The following WWOX variants were observed in gnomAD, a reference collection of about 807,000 sequenced individuals.
WWOX encodes the protein WW domain containing oxidoreductase.
Under a neutral mutation model 46.2 loss-of-function variants are expected in WWOX, and 69 were observed. The observed-to-expected ratio is 1.49, with a 90% CI of 1.23 to 1.82. The LOEUF is 1.82. Ranked by LOEUF, WWOX falls within the 40% of genes most tolerant of loss-of-function variation. The probability of loss-of-function intolerance (pLI) is 0.00; values close to 1 mark genes in which losing one functional copy is unlikely to be tolerated. For synonymous variants in WWOX, 359 were observed against 202.6 expected (o/e 1.77, Z -6.56); for missense variants, 919 against 542.6 (o/e 1.69, Z -6.89).
At chr16:78,464,656 C>T (rs922888629) in intron 8 of WWOX, among the ~76,000 whole-genome samples, 1 of 152,056 alleles carries the variant, frequency 6.6e-6, no homozygotes, top group Non-Finnish European at 1.5e-5. Context: ...CTCTGTAAAT[C>T]CAGAGCTGCT....
chr16:78,420,338 C>T (rs974892806), intron 6 of WWOX, among the ~76,000 whole-genome samples: 2 of 152,078 alleles, frequency 1.3e-5, no homozygotes, highest in Non-Finnish European at 2.9e-5. Context: ...TAGTGATATT[C>T]CTAATAGCCA....
At chr16:78,661,800 G>A (rs1158744043) in intron 8 of WWOX, among the ~76,000 whole-genome samples, 1 of 152,220 alleles carries the variant, frequency 6.6e-6, no homozygotes, top group African/African-American at 2.4e-5. Flanking sequence ...GCTTTGAGAG[G>A]CCGAGGCCGG....
intron 8 of WWOX, among the ~76,000 whole-genome samples, chr16:78,857,515 C>T (rs1385000928): frequency 2.6e-5 from 4 of 152,086 alleles, no homozygotes; most frequent in East Asian, 1.9e-4. Flanking sequence ...AACTTTAATG[C>T]GATTAAGACT....
intron 5 of WWOX, among the ~76,000 whole-genome samples, chr16:78,234,290 T>A (rs562595255): frequency 6.6e-6 from 1 of 152,348 alleles, no homozygotes; most frequent in Non-Finnish European, 1.5e-5. Flanking sequence ...CTTTTATGAC[T>A]ATTCATTTTG....
In WWOX at chr16:78,340,924, A is replaced by G. The variant is rs554948564; in HGVS notation, c.517-45936A>G. Among the ~76,000 whole-genome samples, 12 of 119,316 alleles carry G rather than the reference A, an allele frequency of 1.0e-4. 1 individual carries two copies. The South Asian group carries it at 2.3e-3, about 22-fold the overall frequency. 78.3% of individuals were successfully genotyped at this position (119,316 alleles called of 152,430 possible). A position where few individuals can be genotyped will look rare whatever the true frequency, so the allele number is the denominator to read the frequency against. ...TCTGTCATTTTTCTGGAGTTATGAA[A>G]TGATGGTATCCTGCTGGGCTGAGTG... On this transcript the variant is annotated intron_variant, in intron 5 of 8. Coordinates refer to ENST00000566780, the MANE Select transcript of WWOX (RefSeq NM_016373.4).
At chr16:78,507,180 G>C (rs1216435639) in intron 8 of WWOX, among the ~76,000 whole-genome samples, 7 of 152,176 alleles carry the variant, frequency 4.6e-5, no homozygotes, top group Non-Finnish European at 8.8e-5. Context: ...CTATTGAGGA[G>C]ACAGAACATG....
At chr16:78,890,791 C>G (rs775643419) in intron 8 of WWOX, 1 of 152,146 alleles carries the variant, frequency 6.6e-6, no homozygotes, top group South Asian at 2.1e-4. Flanking sequence ...TTCAAGGTAA[C>G]AGTATACAGG....
At chr16:79,022,403 A>G (rs1567492689) in intron 8 of WWOX, among the ~76,000 whole-genome samples, 1 of 146,364 alleles carries the variant, frequency 6.8e-6, no homozygotes, top group Non-Finnish European at 1.5e-5. Flanking sequence ...CTTATCTGTT[A>G]TTTCTTGGAC....
intron 8 of WWOX, among the ~76,000 whole-genome samples, chr16:78,970,241 C>T (rs2046443750): frequency 6.6e-6 from 1 of 152,172 alleles, no homozygotes; most frequent in South Asian, 2.1e-4. Flanking sequence ...ACGGTGTTGG[C>T]TCTCAGTTAG....
chr16:78,183,806 G>A lies in WWOX; in HGVS notation c.516+19517G>A, dbSNP rs563943423. 2.4e-4 allele frequency among the ~76,000 whole-genome samples: 37 copies of A among 152,278 alleles called. No individual in the cohort carries two copies. In the South Asian group the frequency reaches 6.4e-3, roughly 26 times the overall value. On this transcript the variant is annotated intron_variant, in intron 5 of 8. Transcript: ENST00000566780. Reference sequence around the variant, plus strand: ...ACTGGCCTCCTCAGTGCCACACAGAGCCTCCCCTGAGTAGATTTGTGTCAT... The same window carrying A: ...ACTGGCCTCCTCAGTGCCACACAGAACCTCCCCTGAGTAGATTTGTGTCAT...
chr16:79,201,107 C>T (rs1074223), intron 8 of WWOX, among the ~76,000 whole-genome samples: 12,690 of 152,124 alleles, frequency 0.083, 728 homozygotes, highest in African/African-American at 0.16. Flanking sequence ...GGCTCAGTGG[C>T]TTGTCATAGG....
rs3752912 is a variant in WWOX, at chr16:78,875,307, T to C, written c.1057-336301T>C. On this transcript the variant is annotated intron_variant, in intron 8 of 8. Transcript: ENST00000566780. ...GTTTCTGTTAAAAACCCCAGTGTGC[T>C]GATCTCAGTGGCAGCCATCTTGCTT... Among the ~76,000 whole-genome samples, 512 of 152,202 alleles carry C rather than the reference T, an allele frequency of 3.4e-3. 19 individuals carry two copies. The East Asian group carries it at 0.086, about 26-fold the overall frequency.
At chr16:78,416,314 A>T (rs191565819) in intron 6 of WWOX, among the ~76,000 whole-genome samples, 37 of 152,348 alleles carry the variant, frequency 2.4e-4, no homozygotes, top group Admixed American at 2.6e-4. Context: ...AACCTCATTA[A>T]AGTGAGGCAA....
chr16:78,649,094 C>G (rs546031668), intron 8 of WWOX, among the ~76,000 whole-genome samples: 3 of 152,272 alleles, frequency 2.0e-5, no homozygotes, highest in South Asian at 2.1e-4. Flanking sequence ...CTGCCTCAGT[C>G]TCCCAAGTAG....
chr16:78,594,767 A>AT (rs1315031426), intron 8 of WWOX, among the ~76,000 whole-genome samples: 1 of 151,998 alleles, frequency 6.6e-6, no homozygotes, highest in Non-Finnish European at 1.5e-5. Flanking sequence ...GTTTTTATTT[A>AT]TTTTATTTAG....
Position 78,558,687 on chromosome 16 carries a change from A to G in WWOX, c.1056+125935A>G, listed in dbSNP as rs553146994. Among the ~76,000 whole-genome samples, 106 of 152,278 alleles carry G rather than the reference A, an allele frequency of 7.0e-4. 3 individuals carry two copies. The South Asian group carries it at 0.02, about 29-fold the overall frequency. The stretch of plus-strand genomic sequence containing the variant: ...TAGGTCTCCCTGATTCCAGCCTCCA[A>G]TTCACTGAGCTGGCCTCTGCCAGTG... On this transcript the variant is annotated intron_variant, in intron 8 of 8. Coordinates refer to ENST00000566780, the MANE Select transcript of WWOX (RefSeq NM_016373.4).
At chr16:78,150,024 C>T (rs1173575324) in intron 4 of WWOX, among the ~76,000 whole-genome samples, 3 of 152,142 alleles carry the variant, frequency 2.0e-5, no homozygotes, top group Admixed American at 1.3e-4. Flanking sequence ...TCAGCACAGA[C>T]CCCATGGTTG....
chr16:79,073,686 C>A (rs2048594980), intron 8 of WWOX, among the ~76,000 whole-genome samples: 1 of 152,038 alleles, frequency 6.6e-6, no homozygotes, highest in Non-Finnish European at 1.5e-5. Flanking sequence ...TCCCTGCTTG[C>A]CTTTGCAGCT....
At chr16:78,200,204 G>C (rs2036189185) in intron 5 of WWOX, among the ~76,000 whole-genome samples, 1 of 152,044 alleles carries the variant, frequency 6.6e-6, no homozygotes, top group South Asian at 2.1e-4. Flanking sequence ...CGCTGACCCT[G>C]ATCTCCTCTG....
Sources: gnomAD v4.1 joint callset for allele counts (sites outside exome capture counted in the v4.1 genomes callset) on GRCh38, gnomAD v4.1.1 for gene constraint, MANE v1.5 for transcripts, NCBI Gene and HGNC (gene_info 2026-07-23, HGNC 2026-07-21) for gene names.